Variants in THADA observed in about 807,000 individuals in gnomAD.
THADA encodes the protein THADA armadillo repeat containing, also known as tRNA (32-2'-O)-methyltransferase regulator THADA.
In THADA, 213 loss-of-function variants were observed where a neutral mutation model predicts 219.8. The observed-to-expected ratio is 0.97, with a 90% CI of 0.87 to 1.09. THADA has a LOEUF of 1.09. THADA is among the 50% of genes least tolerant of loss of function. The pLI is 0.00. For missense variants in THADA, 2,956 were observed against 2,311.3 expected, an observed-to-expected ratio of 1.28 and a Z score of -5.72; for synonymous variants, 1,018 against 828.9, an observed-to-expected ratio of 1.23 and a Z score of -3.92.
chr2:43,461,590 T>C (rs139021312), intron 26 of THADA, among the ~76,000 whole-genome samples: 1 of 152,156 alleles, frequency 6.6e-6, no homozygotes, highest in Admixed American at 6.5e-5. Flanking sequence ...TTCAGAAAAT[T>C]TAATTATAGG....
In THADA at chr2:43,574,849, C is replaced by T. The variant is rs113096905; in HGVS notation, c.1216G>A (p.Ala406Thr). The T allele has an allele frequency of 2.0e-3, 3,281 of 1,613,980 alleles. 61 individuals are homozygous for T. In the African/African-American group the frequency reaches 0.038, roughly 19 times the overall value. ...VYTHWEHPLDALRHQTKIMFK... is the reference protein window; with the variant it reads ...VYTHWEHPLDTLRHQTKIMFK... ...ATGATTTTGGTTTGGTGTCTCAGAG[C>T]ATCCAATGGATGTTCCCAATGGGTA... Residue 406 changes from alanine (A) to threonine (T), a missense_variant, in exon 11 of 38, where the codon GCT becomes ACT. Coordinates refer to ENST00000405975, the MANE Select transcript of THADA (RefSeq NM_022065.5).
intron 26 of THADA, among the ~76,000 whole-genome samples, chr2:43,461,027 G>T (rs1385170142): frequency 1.3e-5 from 2 of 152,182 alleles, no homozygotes; most frequent in African/African-American, 2.4e-5. Flanking sequence ...AGGTGTATAA[G>T]GTTTGCTGGG....
intron 30 of THADA, among the ~76,000 whole-genome samples, chr2:43,336,320 G>A (rs539625038): frequency 1.3e-5 from 2 of 151,976 alleles, no homozygotes; most frequent in South Asian, 4.2e-4. Flanking sequence ...CGCTCAGGCT[G>A]GAGTGCAGTG....
intron 3 of THADA, 115 bp from the exon 4 acceptor site, chr2:43,591,069 C>A: frequency 1.0e-6 from 1 of 976,534 alleles, no homozygotes; most frequent in East Asian, 2.7e-5. Flanking sequence ...CCCTGTAATC[C>A]CAACACTTTG....
chr2:43,570,250 T>C (rs1699143918), intron 14 of THADA, 138 bp downstream of exon 14: 2 of 802,782 alleles, frequency 2.5e-6, no homozygotes, highest in Non-Finnish European at 3.8e-6. Flanking sequence ...GCACCAGAAA[T>C]AGGTAATACT....
intron 24 of THADA, among the ~76,000 whole-genome samples, chr2:43,499,653 A>G (rs1160100927): frequency 6.6e-6 from 1 of 152,184 alleles, no homozygotes; most frequent in Non-Finnish European, 1.5e-5. Flanking sequence ...ATGGCATTAT[A>G]GGTGTGAGCC....
intron 22 of THADA, among the ~76,000 whole-genome samples, chr2:43,509,619 A>G (rs1052529201): frequency 2.0e-5 from 3 of 152,208 alleles, no homozygotes; most frequent in African/African-American, 7.2e-5. Context: ...TACAGTGAGA[A>G]TTAGATCTCT....
At chr2:43,334,263 G>A (rs1231599977) in intron 30 of THADA, among the ~76,000 whole-genome samples, 1 of 152,048 alleles carries the variant, frequency 6.6e-6, no homozygotes, top group Non-Finnish European at 1.5e-5. Context: ...TATGGATGAG[G>A]GGGATGGAGA....
chr2:43,585,289 C>T (rs1428641351), intron 7 of THADA, among the ~76,000 whole-genome samples: 1 of 148,036 alleles, frequency 6.8e-6, no homozygotes, highest in African/African-American at 2.5e-5. Context: ...GAGGGAGGAT[C>T]ACTTGAGCCA....
chr2:43,233,091 C>A (rs1258031917), intron 36 of THADA: 2 of 574,450 alleles, frequency 3.5e-6, no homozygotes, highest in African/African-American at 3.7e-5. Flanking sequence ...TAGGCCTGAA[C>A]CCACTGTTTC....
intron 26 of THADA, among the ~76,000 whole-genome samples, chr2:43,476,242 C>T (rs1685528362): frequency 1.3e-5 from 2 of 152,176 alleles, no homozygotes; most frequent in South Asian, 2.1e-4. Flanking sequence ...GGAGGAAATG[C>T]TGTTGCTCTT....
chr2:43,320,589 G>A (rs191065255), intron 30 of THADA, 49 bp from the exon 31 acceptor site: 1 of 1,439,786 alleles, frequency 6.9e-7, no homozygotes, highest in East Asian at 2.3e-5. Flanking sequence ...TCTCCCTTAG[G>A]TCTGGGTCTC....
At chr2:43,397,863 ATAAAGT>A in intron 29 of THADA, 102 bp downstream of exon 29, 2 of 1,201,512 alleles carry the variant, frequency 1.7e-6, no homozygotes, top group Admixed American at 2.4e-5. Context: ...AGTTCTACAG[ATAAAGT>A]TAAGAGGCTG....
At chr2:43,479,022 T>G (rs1685867181) in intron 26 of THADA, among the ~76,000 whole-genome samples, 1 of 152,210 alleles carries the variant, frequency 6.6e-6, no homozygotes, top group Non-Finnish European at 1.5e-5. Flanking sequence ...AAAGAGTAGA[T>G]AAATGATTGA....
At chr2:43,595,274 C>T (rs1702019277) in intron 1 of THADA, among the ~76,000 whole-genome samples, 1 of 152,112 alleles carries the variant, frequency 6.6e-6, no homozygotes, top group African/African-American at 2.4e-5. Context: ...ACAGTAATGG[C>T]AGGTGAGCAA....
intron 36 of THADA, among the ~76,000 whole-genome samples, chr2:43,275,426 G>T (rs1355921594): frequency 6.6e-6 from 1 of 152,164 alleles, no homozygotes; most frequent in Non-Finnish European, 1.5e-5. Context: ...GCCAGGAAAA[G>T]CAAGAAGCCT....
chr2:43,353,925 C>G (rs941318551), intron 29 of THADA, among the ~76,000 whole-genome samples: 2 of 152,000 alleles, frequency 1.3e-5, no homozygotes, highest in Non-Finnish European at 2.9e-5. Flanking sequence ...TCACGCCATT[C>G]TCCTGCCTCA....
chr2:43,504,135 C>T (rs1170458116), intron 24 of THADA, among the ~76,000 whole-genome samples: 1 of 151,832 alleles, frequency 6.6e-6, no homozygotes, highest in African/African-American at 2.4e-5. Context: ...AGATACTCAA[C>T]ATGTACTTTT....
rs1465321078 is a variant in THADA at position 43,294,014 on chromosome 2, C to T, written c.4439-801G>A. 2.0e-5 allele frequency among the ~76,000 whole-genome samples: 3 copies of T among 152,144 alleles called. No homozygotes were observed. The East Asian group carries it at 5.8e-4, about 29-fold the overall frequency. ...GCACAAAGTCAACTGAAACCACAGC[C>T]CTTCTTTTTTGACGTGGTCTACTGA... On this transcript the variant is annotated intron_variant, in intron 31 of 37. Transcript: ENST00000405975.
Sources: allele counts gnomAD v4.1 joint callset (sites outside exome capture counted in the v4.1 genomes callset), GRCh38; gene constraint gnomAD v4.1.1; transcripts MANE v1.5; gene names NCBI Gene and HGNC (gene_info 2026-07-23, HGNC 2026-07-21).